KLHL4: variants seen among roughly 807,000 people sequenced by gnomAD.
KLHL4 encodes the protein kelch like family member 4, also known as kelch-like protein 4.
Under a neutral mutation model 45.8 loss-of-function variants are expected in KLHL4, and 17 were observed. The ratio of observed to expected loss-of-function variants is 0.37; its 90% CI spans 0.25 to 0.56. The LOEUF (loss-of-function observed/expected upper bound fraction) is 0.56. KLHL4 is among the 20% of genes least tolerant of loss of function. The probability of loss-of-function intolerance (pLI) is 0.79; values close to 1 mark genes in which losing one functional copy is unlikely to be tolerated. For missense variants in KLHL4, 544 were observed against 544.9 expected (o/e 1.00, Z 0.02); for synonymous variants, 224 against 189.9 (o/e 1.18, Z -1.47).
chrX:87,595,187 C>T (rs1921803686), intron 1 of KLHL4, among the ~76,000 whole-genome samples: 1 of 110,993 alleles, frequency 9.0e-6, no homozygotes, highest in Non-Finnish European at 1.9e-5. Context: ...AACCCCACAA[C>T]AGGCCCTGGT....
rs1924387248 is a variant in KLHL4, at chrX:87,666,883, A to G, written c.*349A>G. ...TAAAAGCATTAATACATTTCAAGGT[A>G]AGAGCCTTAAAAGTTAAAAACATTT... is the stretch of plus-strand genomic sequence containing the variant. On this transcript the variant is annotated 3_prime_UTR_variant, in exon 11 of 11. Coordinates refer to ENST00000373119, the MANE Select transcript of KLHL4 (RefSeq NM_019117.5). The G allele has an allele frequency of 1.4e-6, 1 of 725,382 alleles. No individual in the cohort carries two copies. The highest frequency in any genetic ancestry group is 8.5e-5 in the Admixed American group (1 of 11,768). 59.8% of individuals were successfully genotyped at this position (725,382 alleles called of 1,213,427 possible).
intron 1 of KLHL4, among the ~76,000 whole-genome samples, chrX:87,547,998 C>G (rs1931721479): frequency 9.0e-6 from 1 of 111,063 alleles, no homozygotes; most frequent in African/African-American, 3.3e-5. Context: ...TTCCAATATC[C>G]AAGTATAAGA....
At chrX:87,531,610 A>G (rs1931283246) in intron 1 of KLHL4, among the ~76,000 whole-genome samples, 1 of 106,125 alleles carries the variant, frequency 9.4e-6, no homozygotes, top group African/African-American at 3.4e-5. Context: ...AATCTCCTTA[A>G]GCTGATAAGC....
At chrX:87,552,011 A>C (rs1931837821) in intron 1 of KLHL4, among the ~76,000 whole-genome samples, 1 of 111,680 alleles carries the variant, frequency 9.0e-6, no homozygotes, top group South Asian at 3.7e-4. Flanking sequence ...CATGATCAAG[A>C]ACTCAAAAGC....
intron 6 of KLHL4, among the ~76,000 whole-genome samples, chrX:87,626,705 G>T (rs773983708): frequency 3.6e-5 from 4 of 109,812 alleles, no homozygotes; most frequent in Non-Finnish European, 7.6e-5. Flanking sequence ...AGGGAGGAAA[G>T]ATTTGCCTGA....
chrX:87,528,409 G>T (rs1224752357), intron 1 of KLHL4, among the ~76,000 whole-genome samples: 2 of 110,746 alleles, frequency 1.8e-5, no homozygotes, highest in African/African-American at 6.6e-5. Flanking sequence ...ATTAAATAAA[G>T]AAACTCACAG....
At chrX:87,648,657 TA>T (rs369560335) in intron 9 of KLHL4, among the ~76,000 whole-genome samples, 164 of 101,121 alleles carry the variant, frequency 1.6e-3, no homozygotes, top group African/African-American at 6.9e-3. Flanking sequence ...GGATGAATAT[TA>T]TTTTTTTTCT....
At chrX:87,631,377 G>A (rs1167571169) in intron 6 of KLHL4, among the ~76,000 whole-genome samples, 1 of 111,327 alleles carries the variant, frequency 9.0e-6, no homozygotes, top group African/African-American at 3.3e-5. Context: ...AATGATTTGG[G>A]GGGCTGCTTT....
chrX:87,525,354 A>T (rs746992607), intron 1 of KLHL4, among the ~76,000 whole-genome samples: 1 of 111,679 alleles, frequency 9.0e-6, no homozygotes, highest in African/African-American at 3.2e-5. Context: ...GCTGCGATTT[A>T]TCTCTCAAAA....
intron 1 of KLHL4, among the ~76,000 whole-genome samples, chrX:87,549,846 G>A (rs1452190714): frequency 9.0e-6 from 1 of 110,606 alleles, no homozygotes; most frequent in East Asian, 2.8e-4. Context: ...ACAATCTAAA[G>A]ATGCATCTTG....
intron 1 of KLHL4, among the ~76,000 whole-genome samples, chrX:87,590,357 G>A (rs1396346800): frequency 9.0e-6 from 1 of 110,861 alleles, no homozygotes; most frequent in Non-Finnish European, 1.9e-5. Flanking sequence ...AACCCCTGAA[G>A]AAATGAAAGA....
intron 9 of KLHL4, 54 bp from the exon 10 acceptor site, chrX:87,664,710 C>T: frequency 1.2e-6 from 1 of 830,865 alleles, no homozygotes; most frequent in South Asian, 2.7e-5. Flanking sequence ...CTGTTATTTT[C>T]AGTTGTAACT....
At chrX:87,567,835 G>A (rs1431441123) in intron 1 of KLHL4, among the ~76,000 whole-genome samples, 3 of 110,484 alleles carry the variant, frequency 2.7e-5, no homozygotes, top group South Asian at 3.9e-4. Flanking sequence ...GAGTAAAAGC[G>A]AGAGACTGCC....
chrX:87,604,742 C>A (rs981317069), intron 1 of KLHL4, among the ~76,000 whole-genome samples: 1 of 110,789 alleles, frequency 9.0e-6, no homozygotes, highest in Non-Finnish European at 1.9e-5. Context: ...TTAATTGTTT[C>A]CTTTGCTATA....
chrX:87,653,083 G>C (rs1010409419), intron 9 of KLHL4, among the ~76,000 whole-genome samples: 6 of 111,651 alleles, frequency 5.4e-5, no homozygotes, highest in African/African-American at 2.0e-4. Context: ...GGGAAAAACT[G>C]CCGCCATGAT....
intron 3 of KLHL4, among the ~76,000 whole-genome samples, chrX:87,616,867 A>G (rs182367149): frequency 8.8e-4 from 98 of 111,472 alleles, no homozygotes; most frequent in Middle Eastern, 4.7e-3. Context: ...GGACCCCTTT[A>G]CAATATATTT....
At chrX:87,656,757 G>A (rs552963418) in intron 9 of KLHL4, among the ~76,000 whole-genome samples, 2 of 110,778 alleles carry the variant, frequency 1.8e-5, no homozygotes, top group African/African-American at 6.5e-5. Flanking sequence ...TTATTATAAC[G>A]CCCTGTTCTT....
At chrX:87,546,625 C>A (rs760485892) in intron 1 of KLHL4, among the ~76,000 whole-genome samples, 39 of 111,867 alleles carry the variant, frequency 3.5e-4, no homozygotes, top group Non-Finnish European at 4.5e-4. Flanking sequence ...GTCCTCCAGA[C>A]AACAGAATGG....
chrX:87,667,130 C>G lies in KLHL4; in HGVS notation c.*596C>G, dbSNP rs928313018. On this transcript the variant is annotated 3_prime_UTR_variant, in exon 11 of 11. Transcript: ENST00000373119. ...CTTTGACAAAACTTGTTATGTTGATCGCGGTATGTCAAAATTTTTACAGGT... is the reference window on the plus strand; with the variant it reads ...CTTTGACAAAACTTGTTATGTTGATGGCGGTATGTCAAAATTTTTACAGGT... The G allele has an allele frequency of 2.7e-6, 2 of 750,061 alleles. No homozygotes were observed. Among genetic ancestry groups the G allele is most frequent in the African/African-American group, 4.7e-5 (2 of 42,869 alleles). 61.8% of individuals were successfully genotyped at this position (750,061 alleles called of 1,213,427 possible).
Sources: allele counts gnomAD v4.1 joint callset (sites outside exome capture counted in the v4.1 genomes callset), GRCh38; gene constraint gnomAD v4.1.1; transcripts MANE v1.5; gene names NCBI Gene and HGNC (gene_info 2026-07-23, HGNC 2026-07-21).